HS6ST3: variants seen among roughly 807,000 people sequenced by gnomAD.
HS6ST3 encodes the protein heparan sulfate 6-O-sulfotransferase 3.
In HS6ST3, 12 loss-of-function variants were observed where a neutral mutation model predicts 36.7. The ratio of observed to expected loss-of-function variants is 0.33; its 90% CI spans 0.21 to 0.53. HS6ST3 has a LOEUF of 0.53. Ranked by LOEUF, HS6ST3 falls within the 20% of genes least tolerant of loss-of-function variation. HS6ST3 has a pLI of 0.95. For synonymous variants in HS6ST3, 240 were observed against 257.5 expected (o/e 0.93, Z 0.65); for missense variants, 584 against 640.9 (o/e 0.91, Z 0.96).
At chr13:96,576,123 G>A (rs1287219538) in intron 1 of HS6ST3, among the ~76,000 whole-genome samples, 1 of 152,160 alleles carries the variant, frequency 6.6e-6, no homozygotes, top group African/African-American at 2.4e-5. Flanking sequence ...AAGAACACGT[G>A]TACTGTTCTA....
chr13:96,393,937 G>A (rs181174572), intron 1 of HS6ST3, among the ~76,000 whole-genome samples: 8 of 152,226 alleles, frequency 5.3e-5, no homozygotes, highest in South Asian at 2.1e-4. Context: ...GCTAGTGATC[G>A]TTTTTAGCTC....
At chr13:96,357,823 A>G (rs1424811687) in intron 1 of HS6ST3, among the ~76,000 whole-genome samples, 2 of 152,204 alleles carry the variant, frequency 1.3e-5, no homozygotes, top group South Asian at 2.1e-4. Flanking sequence ...CAGCTGGCCA[A>G]GTTCACCATC....
intron 1 of HS6ST3, among the ~76,000 whole-genome samples, chr13:96,484,666 C>T (rs977763940): frequency 5.3e-5 from 8 of 152,062 alleles, no homozygotes; most frequent in East Asian, 3.9e-4. Context: ...ATGGTGTGGC[C>T]GTTGGCAGGA....
intron 1 of HS6ST3, among the ~76,000 whole-genome samples, chr13:96,212,677 A>G (rs2054404663): frequency 6.6e-6 from 1 of 152,082 alleles, no homozygotes; most frequent in Non-Finnish European, 1.5e-5. Flanking sequence ...GTTACTTTCT[A>G]GAGTTTATGT....
chr13:96,668,898 C>A (rs1029127478), intron 1 of HS6ST3, among the ~76,000 whole-genome samples: 12 of 151,316 alleles, frequency 7.9e-5, no homozygotes, highest in African/African-American at 2.2e-4. Flanking sequence ...AATATGGATA[C>A]CATGTCTCAA....
At chr13:96,537,304 T>C (rs953626764) in intron 1 of HS6ST3, among the ~76,000 whole-genome samples, 1 of 152,124 alleles carries the variant, frequency 6.6e-6, no homozygotes, top group African/African-American at 2.4e-5. Flanking sequence ...ACCCCTATGA[T>C]TCAGTTATCT....
chr13:96,350,159 GTAGCTACAT>G, intron 1 of HS6ST3, among the ~76,000 whole-genome samples: 1 of 152,294 alleles, frequency 6.6e-6, no homozygotes, highest in East Asian at 1.9e-4. Context: ...TGTAAATTCT[GTAGCTACAT>G]TAAGCCAGGC....
intron 1 of HS6ST3, among the ~76,000 whole-genome samples, chr13:96,312,518 C>G (rs2054946509): frequency 6.6e-6 from 1 of 152,062 alleles, no homozygotes; most frequent in Non-Finnish European, 1.5e-5. Flanking sequence ...TTATTGTTCT[C>G]TGTCATCAGT....
chr13:96,259,509 G>A (rs1201677179), intron 1 of HS6ST3, among the ~76,000 whole-genome samples: 2 of 152,268 alleles, frequency 1.3e-5, no homozygotes, highest in East Asian at 3.9e-4. Flanking sequence ...GTAAAATCTA[G>A]ACAAATCCAA....
At chr13:96,783,471 A>G (rs2138515368) in intron 1 of HS6ST3, among the ~76,000 whole-genome samples, 1 of 152,264 alleles carries the variant, frequency 6.6e-6, no homozygotes, top group African/African-American at 2.4e-5. Context: ...TTTCATATTC[A>G]AAACAGTTTT....
chr13:96,232,303 G>A (rs1464924737), intron 1 of HS6ST3, among the ~76,000 whole-genome samples: 1 of 152,154 alleles, frequency 6.6e-6, no homozygotes, highest in East Asian at 1.9e-4. Context: ...AAAGACAAAT[G>A]TGAAAGCTTC....
chr13:96,316,886 GTT>G (rs2054972707), intron 1 of HS6ST3, among the ~76,000 whole-genome samples: 1 of 151,462 alleles, frequency 6.6e-6, no homozygotes, highest in Non-Finnish European at 1.5e-5. Flanking sequence ...ACTATTTTGT[GTT>G]TGCGTAGAAA....
intron 1 of HS6ST3, among the ~76,000 whole-genome samples, chr13:96,251,574 T>A (rs1481117258): frequency 6.6e-6 from 1 of 152,120 alleles, no homozygotes; most frequent in Non-Finnish European, 1.5e-5. Context: ...CATTTATTTC[T>A]GCTCTAATCT....
At chr13:96,461,096 T>C (rs896367630) in intron 1 of HS6ST3, among the ~76,000 whole-genome samples, 1 of 152,246 alleles carries the variant, frequency 6.6e-6, no homozygotes, top group African/African-American at 2.4e-5. Flanking sequence ...TTTCCCCGCA[T>C]TGCATTAATT....
intron 1 of HS6ST3, among the ~76,000 whole-genome samples, chr13:96,718,355 C>T (rs888854583): frequency 1.3e-5 from 2 of 152,176 alleles, no homozygotes; most frequent in Non-Finnish European, 2.9e-5. Flanking sequence ...TTCCTTCCAT[C>T]TCTTTTTAAT....
intron 1 of HS6ST3, among the ~76,000 whole-genome samples, chr13:96,149,188 G>C (rs1293895648): frequency 1.3e-5 from 2 of 152,126 alleles, no homozygotes; most frequent in Non-Finnish European, 2.9e-5. Flanking sequence ...GCCAATTATT[G>C]ATGATTCGGG....
chr13:96,739,050 A>G (rs1043679527), intron 1 of HS6ST3, among the ~76,000 whole-genome samples: 4 of 152,076 alleles, frequency 2.6e-5, no homozygotes, highest in Non-Finnish European at 1.5e-5. Context: ...CCTTCTTGCA[A>G]TGTTTTTCTT....
intron 1 of HS6ST3, among the ~76,000 whole-genome samples, chr13:96,769,374 C>G (rs1877199857): frequency 6.6e-6 from 1 of 151,162 alleles, no homozygotes; most frequent in East Asian, 2.0e-4. Flanking sequence ...TATACATGTG[C>G]CATGCTGGTG....
chr13:96,344,035 C>A (rs542925269), intron 1 of HS6ST3, among the ~76,000 whole-genome samples: 1 of 152,188 alleles, frequency 6.6e-6, no homozygotes, highest in Non-Finnish European at 1.5e-5. Context: ...AACCACTGCA[C>A]TGGGCCTCGT....
Sources: allele counts gnomAD v4.1 joint callset (sites outside exome capture counted in the v4.1 genomes callset), GRCh38; gene constraint gnomAD v4.1.1; transcripts MANE v1.5; gene names NCBI Gene and HGNC (gene_info 2026-07-23, HGNC 2026-07-21).